DGKZ: variants seen among roughly 807,000 people sequenced by gnomAD.
The protein encoded by DGKZ is diacylglycerol kinase zeta.
A neutral mutation model predicts 142.5 loss-of-function variants in DGKZ; 45 were observed. The ratio of observed to expected loss-of-function variants is 0.32; its 90% CI spans 0.25 to 0.40. The LOEUF (loss-of-function observed/expected upper bound fraction) is 0.40, where lower values mean the gene tolerates loss of function less well. Ranked by LOEUF, DGKZ falls within the 10% of genes least tolerant of loss-of-function variation. The pLI is 1.00. For missense variants in DGKZ, 755 were observed against 1,306.5 expected (o/e 0.58, Z 6.51); for synonymous variants, 442 against 527.0 (o/e 0.84, Z 2.21).
At position 46,367,400 on chromosome 11, in the gene DGKZ, G is replaced by A. The variant is rs1292441073; in HGVS notation, c.270+1G>A. 2 of 1,612,910 alleles carry A rather than the reference G, an allele frequency of 1.2e-6. No individual in the cohort carries two copies. Among genetic ancestry groups the A allele is most frequent in the Non-Finnish European group, 8.5e-7 (1 of 1,179,860 alleles). ...GATCCGGAGTACAGTGGACTGGAGCGTGAGTGCCTGAACACCCCTGGGTCC... is the reference window on the plus strand; with the variant it reads ...GATCCGGAGTACAGTGGACTGGAGCATGAGTGCCTGAACACCCCTGGGTCC... On this transcript the variant is annotated splice_donor_variant, in intron 2 of 30. Transcript: ENST00000527911. LOFTEE classifies it high-confidence loss of function. This position sits in a 1 kb window ranked among gnomAD's most constrained non-coding sequence, Gnocchi z 4.1.
chr11:46,348,033 G>A (rs1280655326), intron 1 of DGKZ, among the ~76,000 whole-genome samples: 1 of 152,096 alleles, frequency 6.6e-6, no homozygotes, highest in Non-Finnish European at 1.5e-5. Context: ...CGGTCGGCTT[G>A]GCACTGTCAC....
exon 20 of DGKZ, chr11:46,375,611 C>T (rs1169124563): frequency 2.5e-5 from 40 of 1,576,566 alleles, no homozygotes; most frequent in Non-Finnish European, 3.1e-5. Flanking sequence ...AGCGGCGGAG[C>T]GCCGCCCCCC....
chr11:46,374,361 G>C (rs1020845361), intron 15 of DGKZ, 38 bp from the exon 16 acceptor site: 1 of 1,613,836 alleles, frequency 6.2e-7, no homozygotes, highest in African/African-American at 1.3e-5. Context: ...GGGCAGGCTG[G>C]GGTGACTCAC....
chr11:46,347,352 C>G, upstream of DGKZ: 2 of 984,652 alleles, frequency 2.0e-6, no homozygotes, highest in Non-Finnish European at 2.4e-6. The surrounding 1 kb of genome is among the most constrained non-coding windows in gnomAD (Gnocchi z 6.4). Flanking sequence ...CAGCGGGCGT[C>G]CGGCAGAGGG....
chr11:46,377,901 C>A, intron 25 of DGKZ: 1 of 492,598 alleles, frequency 2.0e-6, no homozygotes, highest in Non-Finnish European at 3.7e-6. Context: ...ACTCCCAGGA[C>A]CCCCTCTGCA....
At chr11:46,350,855 CTT>C (rs34476722) in intron 1 of DGKZ, among the ~76,000 whole-genome samples, 86 of 141,198 alleles carry the variant, frequency 6.1e-4, no homozygotes, top group Admixed American at 7.0e-4. Flanking sequence ...TGCCATCTCC[CTT>C]TTTTTTTTTT....
chr11:46,333,210 TG>T, exon 1 of DGKZ: 1 of 1,217,304 alleles, frequency 8.2e-7, no homozygotes, highest in South Asian at 3.5e-5. Context: ...CCGGGCGGAC[TG>T]GAGACTCGAA....
At chr11:46,363,505 G>C (rs1259547269) in intron 1 of DGKZ, among the ~76,000 whole-genome samples, 1 of 152,206 alleles carries the variant, frequency 6.6e-6, no homozygotes, top group Non-Finnish European at 1.5e-5. Flanking sequence ...GGACAGATGT[G>C]GACCTGGGCT....
At chr11:46,373,475 TTTTTTTTCTTG>T (rs1163451953) in intron 14 of DGKZ, among the ~76,000 whole-genome samples, 3 of 150,522 alleles carry the variant, frequency 2.0e-5, no homozygotes, top group African/African-American at 7.4e-5. Context: ...CTGTTTTCTT[TTTTTTTTCTTG>T]TTTTTTTTTT....
At chr11:46,337,408 G>T (rs1376721795) in intron 1 of DGKZ, among the ~76,000 whole-genome samples, 1 of 145,342 alleles carries the variant, frequency 6.9e-6, no homozygotes, top group Non-Finnish European at 1.5e-5. Context: ...CAATTCTCCT[G>T]CCTCAGCCTG....
intron 4 of DGKZ, chr11:46,369,107 T>G: frequency 3.5e-6 from 1 of 284,140 alleles, no homozygotes; most frequent in Non-Finnish European, 6.9e-6. Context: ...ACTCGGGAGG[T>G]GGAGGTTGCA....
intron 6 of DGKZ, 63 bp from the exon 7 acceptor site, chr11:46,371,250 G>A: frequency 1.3e-6 from 2 of 1,515,574 alleles, no homozygotes; most frequent in Non-Finnish European, 1.8e-6. Context: ...CTGGCACCAG[G>A]AGAGGGGCTG....
chr11:46,377,255 C>G (rs375068548), intron 25 of DGKZ, 43 bp downstream of exon 25: 393 of 1,538,584 alleles, frequency 2.6e-4, no homozygotes, highest in Non-Finnish European at 3.1e-4. Flanking sequence ...GGCTTTCAGC[C>G]CCACCTGTAA....
At position 46,352,907 on chromosome 11, in the gene DGKZ, G is replaced by A. The variant is rs144267770; in HGVS notation, c.161+5087G>A. Among the ~76,000 whole-genome samples the A allele has an allele frequency of 1.5e-3, 222 of 152,340 alleles. 1 individual carries two copies. Among genetic ancestry groups the A allele is most frequent in the African/African-American group, 4.7e-3 (194 of 41,568 alleles). On this transcript the variant is annotated intron_variant, in intron 1 of 30. Transcript: ENST00000527911. The stretch of plus-strand genomic sequence containing the variant: ...ACTTGGGTCACAGGTGTGGAGGGTA[G>A]GCCAAAACTAACCAAATGCCCTGGA...
chr11:46,377,859 C>A, intron 25 of DGKZ: 1 of 375,822 alleles, frequency 2.7e-6, no homozygotes, highest in Non-Finnish European at 4.9e-6. Context: ...CCCTTCGAAT[C>A]TCAGCTTGGC....
At position 46,349,570 on chromosome 11, in the gene DGKZ, C is replaced by A. The variant is rs556114611; in HGVS notation, c.161+1750C>A. Among the ~76,000 whole-genome samples, 178 of 149,280 alleles carry A rather than the reference C, an allele frequency of 1.2e-3. 2 individuals carry two copies. Among genetic ancestry groups the A allele is most frequent in the South Asian group, 9.1e-3 (43 of 4,718 alleles). ...CTTCCTTTTGTAAAACAAAAAAAAA[C>A]CAATTTTTTGTAGAGATGAGATCTC... On this transcript the variant is annotated intron_variant, in intron 1 of 30. Coordinates refer to ENST00000527911, the Ensembl canonical transcript of DGKZ.
chr11:46,378,307 A>G, intron 26 of DGKZ, 78 bp downstream of exon 26: 1 of 1,552,440 alleles, frequency 6.4e-7, no homozygotes, highest in Non-Finnish European at 8.7e-7. Context: ...GATAGGGCCC[A>G]GACACAGCCT....
At chr11:46,353,018 AGTGAGACCAAGGGCTCT>A (rs1248552346) in intron 1 of DGKZ, among the ~76,000 whole-genome samples, 5 of 152,220 alleles carry the variant, frequency 3.3e-5, no homozygotes, top group Non-Finnish European at 7.3e-5. Context: ...AGCAGGTTCG[AGTGAGACCAAGGGCTCT>A]GTGGCCGCGG....
chr11:46,367,246 T>C lies in DGKZ; in HGVS notation c.162-45T>C. On this transcript the variant is annotated intron_variant, in intron 1 of 30. Transcript: ENST00000527911. The surrounding 1 kb of genome is among the most constrained non-coding windows in gnomAD (Gnocchi z 4.1). ...CCCCAGGAGGTGGGAGGAAGTAGGG[T>C]CAGCAAGTGCTCAGCCCCCTCCTCA... The C allele has an allele frequency of 6.5e-7, 1 of 1,544,116 alleles. No homozygotes were observed. Among genetic ancestry groups the C allele is most frequent in the South Asian group, 1.1e-5 (1 of 87,490 alleles).
Sources: gnomAD v4.1 joint callset for allele counts (sites outside exome capture counted in the v4.1 genomes callset) on GRCh38, gnomAD v4.1.1 for gene constraint, Gnocchi (gnomAD v3.1) non-coding constraint, MANE v1.5 for transcripts, NCBI Gene and HGNC (gene_info 2026-07-23, HGNC 2026-07-21) for gene names.